The following MED12L variants were observed in gnomAD, a reference collection of about 807,000 sequenced individuals.
MED12L encodes the protein mediator complex subunit 12L.
MED12L carries 60 observed loss-of-function variants against 281.3 expected under a neutral mutation model. That is an observed-to-expected ratio of 0.21 (90% CI 0.17 to 0.26). The LOEUF is 0.26. MED12L is among the 10% of genes least tolerant of loss of function. The probability of loss-of-function intolerance (pLI) is 1.00; values close to 1 mark genes in which losing one functional copy is unlikely to be tolerated. For synonymous variants in MED12L, 974 were observed against 987.2 expected, an observed-to-expected ratio of 0.99 and a Z score of 0.25; for missense variants, 2,146 against 2,680.9, an observed-to-expected ratio of 0.80 and a Z score of 4.41.
intron 31 of MED12L, among the ~76,000 whole-genome samples, chr3:151,379,007 C>T (rs907759803): frequency 6.6e-6 from 1 of 152,158 alleles, no homozygotes; most frequent in African/African-American, 2.4e-5. Flanking sequence ...ATGAGTTGCT[C>T]CAGGACACAC....
intron 12 of MED12L, among the ~76,000 whole-genome samples, chr3:151,186,111 A>G (rs1479982573): frequency 2.0e-5 from 3 of 152,234 alleles, no homozygotes; most frequent in Non-Finnish European, 4.4e-5. Flanking sequence ...TTCTGGCCCC[A>G]GAGAGAGCAA....
intron 16 of MED12L, among the ~76,000 whole-genome samples, chr3:151,321,459 C>G (rs1240465368): frequency 6.6e-6 from 1 of 151,964 alleles, no homozygotes; most frequent in African/African-American, 2.4e-5. Flanking sequence ...ACTTAAAGAC[C>G]AGTGACATTA....
intron 4 of MED12L, among the ~76,000 whole-genome samples, chr3:151,127,046 A>G (rs1714645481): frequency 6.6e-6 from 1 of 151,754 alleles, no homozygotes; most frequent in Non-Finnish European, 1.5e-5. Context: ...CTTCCTTTAT[A>G]TTCATAAACT....
chr3:151,211,555 G>C (rs1450743467), intron 16 of MED12L, among the ~76,000 whole-genome samples: 1 of 151,722 alleles, frequency 6.6e-6, no homozygotes, highest in African/African-American at 2.4e-5. Context: ...TAGATACTGA[G>C]GGAAAAAAAA....
intron 17 of MED12L, among the ~76,000 whole-genome samples, chr3:151,351,942 A>G (rs1038665423): frequency 2.6e-5 from 4 of 152,182 alleles, no homozygotes; most frequent in African/African-American, 7.2e-5. Flanking sequence ...AGCGAAAAAC[A>G]TTGTTGTTCT....
intron 16 of MED12L, 45 bp from the exon 17 acceptor site, chr3:151,350,014 C>T: frequency 6.3e-7 from 1 of 1,584,490 alleles, no homozygotes; most frequent in Non-Finnish European, 8.6e-7. Flanking sequence ...AATGCAACCC[C>T]ACCCCTGCAG....
intron 16 of MED12L, among the ~76,000 whole-genome samples, chr3:151,227,885 C>T (rs1280175225): frequency 1.3e-5 from 2 of 152,082 alleles, no homozygotes; most frequent in African/African-American, 2.4e-5. Flanking sequence ...GGTGTTTAGC[C>T]GCATCCCTGG....
intron 16 of MED12L, among the ~76,000 whole-genome samples, chr3:151,250,632 C>A (rs904344438): frequency 6.6e-6 from 1 of 152,062 alleles, no homozygotes; most frequent in Non-Finnish European, 1.5e-5. Flanking sequence ...AATAATATTC[C>A]GCTCTATGTA....
intron 11 of MED12L, among the ~76,000 whole-genome samples, chr3:151,175,488 A>G (rs1442171402): frequency 6.6e-6 from 1 of 151,464 alleles, no homozygotes; most frequent in African/African-American, 2.4e-5. Flanking sequence ...TTTTTCCCCC[A>G]CTCCTTTTTA....
Position 151,199,516 on chromosome 3 carries a change from A to G in MED12L, c.2250+5850A>G, listed in dbSNP as rs193188401. The G allele has an allele frequency of 6.4e-4, 480 of 748,576 alleles. 1 individual carries two copies. The highest frequency in any genetic ancestry group is 5.4e-4 in the Non-Finnish European group (256 of 470,240). The allele number at this position is 748,576 out of a possible 1,614,324, so 46.4% of individuals were successfully genotyped here. A position where few individuals can be genotyped will look rare whatever the true frequency, so the allele number is the denominator to read the frequency against. ...TTCTTTAAAAGACATTGGTCTTCAC[A>G]ATACCGTTGTCTTTCCAGTTCTTAG... On this transcript the variant is annotated intron_variant, in intron 16 of 44. Transcript: ENST00000687756.
intron 2 of MED12L, among the ~76,000 whole-genome samples, chr3:151,109,364 CA>C (rs1711525295): frequency 1.3e-5 from 2 of 152,326 alleles, no homozygotes; most frequent in South Asian, 4.1e-4. Context: ...TTTTTGTTAT[CA>C]GTGTAGAATA....
intron 16 of MED12L, among the ~76,000 whole-genome samples, chr3:151,284,878 G>A (rs1743267249): frequency 6.6e-6 from 1 of 152,112 alleles, no homozygotes; most frequent in Non-Finnish European, 1.5e-5. Flanking sequence ...AAAGTGCTGG[G>A]ATTACAGGCG....
In MED12L at chr3:151,137,032, T is replaced by C. The variant is rs1312159994; in HGVS notation, c.556+9048T>C. ...CAAAAATTAACTGGGCATGGCGGCATGTGCCTGTAATCCCAGCTACTCAGG... is the reference window on the plus strand; with the variant it reads ...CAAAAATTAACTGGGCATGGCGGCACGTGCCTGTAATCCCAGCTACTCAGG... On this transcript the variant is annotated intron_variant, in intron 5 of 44. Coordinates refer to ENST00000687756, the MANE Select transcript of MED12L (RefSeq NM_001393769.1). 2.6e-5 allele frequency among the ~76,000 whole-genome samples: 4 copies of C among 151,754 alleles called. No homozygotes were observed. The East Asian group carries it at 5.8e-4, about 22-fold the overall frequency.
At chr3:151,426,274 G>T (rs986446886) in intron 43 of MED12L, among the ~76,000 whole-genome samples, 9 of 152,186 alleles carry the variant, frequency 5.9e-5, no homozygotes, top group Non-Finnish European at 1.3e-4. Context: ...GTCCCGGGAG[G>T]ATAATCCTTT....
chr3:151,163,768 C>T (rs967733485), intron 8 of MED12L, 125 bp from the exon 9 acceptor site: 19 of 914,824 alleles, frequency 2.1e-5, no homozygotes, highest in Non-Finnish European at 2.9e-5. Flanking sequence ...AAGACACTCT[C>T]GTATTTTAAA....
chr3:151,279,349 A>T (rs1189004625), intron 16 of MED12L, among the ~76,000 whole-genome samples: 1 of 152,214 alleles, frequency 6.6e-6, no homozygotes. Context: ...TTACTATTCT[A>T]GTTGCTTTAT....
intron 11 of MED12L, among the ~76,000 whole-genome samples, chr3:151,176,840 A>C (rs1722110642): frequency 6.7e-6 from 1 of 149,358 alleles, no homozygotes; most frequent in Non-Finnish European, 1.5e-5. Flanking sequence ...TAAGTCAGTT[A>C]CTTATATTAA....
chr3:151,357,720 T>A (rs1006777132), intron 20 of MED12L, among the ~76,000 whole-genome samples: 9 of 152,230 alleles, frequency 5.9e-5, no homozygotes, highest in Non-Finnish European at 8.8e-5. Flanking sequence ...TTCATGTAAT[T>A]TCAGTTTATG....
intron 32 of MED12L, among the ~76,000 whole-genome samples, chr3:151,380,512 G>T (rs1036009258): frequency 3.3e-5 from 5 of 150,564 alleles, no homozygotes; most frequent in Admixed American, 1.3e-4. Context: ...CAGGAGAATT[G>T]CTTGAACCTG....
Sources: gnomAD v4.1 joint callset for allele counts (sites outside exome capture counted in the v4.1 genomes callset) on GRCh38, gnomAD v4.1.1 for gene constraint, MANE v1.5 for transcripts, NCBI Gene and HGNC (gene_info 2026-07-23, HGNC 2026-07-21) for gene names.